The following MYH14 variants were observed in gnomAD, a reference collection of about 807,000 sequenced individuals.
MYH14 encodes myosin-14.
Under a neutral mutation model 255.5 loss-of-function variants are expected in MYH14, and 123 were observed. The ratio of observed to expected loss-of-function variants is 0.48; its 90% CI spans 0.42 to 0.56. The LOEUF is 0.56. Among genes scored for constraint, MYH14 ranks in the 20% least tolerant of loss-of-function variants. The pLI, the probability that MYH14 is intolerant of heterozygous loss-of-function variation, is 0.00. For missense variants in MYH14, 2,423 were observed against 2,802.3 expected (o/e 0.86, Z 3.06); for synonymous variants, 1,095 against 1,161.2 (o/e 0.94, Z 1.16).
chr19:50,272,666 G>A lies in MYH14; in HGVS notation c.3402G>A (p.Gln1134=). Reference sequence around the variant, plus strand: ...AGGAGCAGATGGTGGAGCAGCAACAGCGGGCAGAGGAGCTGCGGGCCCAGC... The same window carrying A: ...AGGAGCAGATGGTGGAGCAGCAACAACGGGCAGAGGAGCTGCGGGCCCAGC... ...ELQEQMVEQQ[Q]RAEELRAQLG... Residue 1134 remains glutamine, a synonymous_variant, in exon 27 of 43, where the codon CAG becomes CAA. Transcript: ENST00000642316. 17 of 1,557,832 alleles carry A rather than the reference G, an allele frequency of 1.1e-5. No individual in the cohort carries two copies. Among genetic ancestry groups the A allele is most frequent in the Non-Finnish European group, 1.5e-5 (17 of 1,151,474 alleles).
chr19:50,232,317 C>T (rs969187003), intron 10 of MYH14, among the ~76,000 whole-genome samples: 3 of 152,166 alleles, frequency 2.0e-5, no homozygotes, highest in Non-Finnish European at 4.4e-5. Flanking sequence ...TGCAGCTGGG[C>T]GCAGTGGCTC....
Position 50,276,943 on chromosome 19 carries a change from G to A in MYH14, c.3825+42G>A. The A allele has an allele frequency of 2.0e-6, 3 of 1,484,856 alleles. No homozygotes were observed. The highest frequency in any genetic ancestry group is 2.4e-5 in the South Asian group (2 of 83,626). The allele number at this position is 1,484,856 out of a possible 1,614,324, so 92.0% of individuals were successfully genotyped here. ...GGACAGGGCAGGGGGGCCACGGGGA[G>A]GGCAGGGCAGGACGCGGGGTTGGAG... On this transcript the variant is annotated intron_variant, in intron 29 of 42. Coordinates refer to ENST00000642316, the MANE Select transcript of MYH14 (RefSeq NM_001145809.2). This position sits in a 1 kb window ranked among gnomAD's most constrained non-coding sequence, Gnocchi z 4.3.
intron 1 of MYH14, among the ~76,000 whole-genome samples, chr19:50,208,348 G>C (rs990415338): frequency 6.6e-6 from 1 of 152,182 alleles, no homozygotes; most frequent in African/African-American, 2.4e-5. Flanking sequence ...CCGGGAGGCA[G>C]AGGTTGCAGT....
intron 39 of MYH14, among the ~76,000 whole-genome samples, chr19:50,299,288 G>C (rs1386258191): frequency 6.6e-6 from 1 of 152,078 alleles, no homozygotes; most frequent in African/African-American, 2.4e-5. Context: ...GTAAGAAATA[G>C]GCTGGGGGCA....
At chr19:50,297,491 CTTTTT>C (rs869049808) in intron 39 of MYH14, among the ~76,000 whole-genome samples, 3 of 74,324 alleles carry the variant, frequency 4.0e-5, no homozygotes, top group African/African-American at 5.0e-5. Context: ...CTCATCTCCT[CTTTTT>C]TTTTTTTTTT....
In MYH14 at chr19:50,278,297, G is replaced by C. The variant is rs373181143; in HGVS notation, c.4032+8G>C. ...AAGCTGCAGCGAGCCCAGGTAAGTGGGGTGGGCAGGGCAGAGGTTTCTGCT... is the reference window on the plus strand; with the variant it reads ...AAGCTGCAGCGAGCCCAGGTAAGTGCGGTGGGCAGGGCAGAGGTTTCTGCT... On this transcript the variant is annotated splice_region_variant and intron_variant, in intron 30 of 42. Coordinates refer to ENST00000642316, the MANE Select transcript of MYH14 (RefSeq NM_001145809.2). 2.9e-5 allele frequency: 44 copies of C among 1,530,330 alleles called. No individual in the cohort carries two copies. The highest frequency in any genetic ancestry group is 3.9e-5 in the Non-Finnish European group (44 of 1,134,574). The allele number at this position is 1,530,330 out of a possible 1,614,324, so 94.8% of individuals were successfully genotyped here. A position where few individuals can be genotyped will look rare whatever the true frequency, so the allele number is the denominator to read the frequency against.
At chr19:50,248,910 C>A in intron 12 of MYH14, 77 bp from the exon 13 acceptor site, 1 of 1,536,706 alleles carries the variant, frequency 6.5e-7, no homozygotes, top group East Asian at 2.3e-5. Context: ...GCTGGGGGCC[C>A]TTCCCCGGTT....
chr19:50,289,472 C>G lies in MYH14; in HGVS notation c.4789C>G (p.Gln1597Glu), dbSNP rs1189403494. 6.2e-7 allele frequency: 1 copy of G among 1,612,650 alleles called. No individual in the cohort carries two copies. The part of the protein sequence containing the change: ...ELERACRVAE[Q>E]AANDLRAQVT... ...GGAACGAGCCTGCCGGGTAGCAGAA[C>G]AGGCAGCCAATGATCTGCGAGCACA... The change falls in exon 35 of 43, where the codon CAG becomes GAG. Residue 1597 changes from glutamine (Q) to glutamate (E), a missense_variant. Transcript: ENST00000642316.
intron 39 of MYH14, among the ~76,000 whole-genome samples, chr19:50,295,014 T>G (rs868423715): frequency 0.071 from 2,061 of 29,102 alleles, 58 homozygotes; most frequent in African/African-American, 0.1. Context: ...AGTTTTTTTT[T>G]TTTTTTTTTT....
rs745369087 is a variant in MYH14 at position 50,292,304 on chromosome 19, C to T, written c.5171C>T (p.Thr1724Ile). 7 of 1,599,206 alleles carry T rather than the reference C, an allele frequency of 4.4e-6. No individual in the cohort carries two copies. Among genetic ancestry groups the T allele is most frequent in the African/African-American group, 4.0e-5 (3 of 74,634 alleles). Residue 1724 changes from threonine to isoleucine, a missense_variant, in exon 37 of 43, where the codon ACC becomes ATC. Thr to Ile is a moderately conservative substitution (Grantham distance 89). This residue lies in a region of MYH14 where 1,513 missense variants were observed against 1,674.8 expected (regional missense o/e 0.90). Coordinates refer to ENST00000642316, the MANE Select transcript of MYH14 (RefSeq NM_001145809.2). ...TGGCGGGAGGTGGAGGAGACACGCA[C>T]CTCCCGGGAGGAGATCTTCTCCCAG... ...ELWREVEETR[T>I]SREEIFSQNR... is the part of the protein sequence containing the mutation.
rs12983888 is a variant in MYH14, at chr19:50,225,698, G to A, written c.810+21G>A. The A allele has an allele frequency of 0.29, 458,973 of 1,588,080 alleles. 69,088 individuals are homozygous for A. Among genetic ancestry groups the A allele is most frequent in the East Asian group, 0.36 (16,305 of 44,688 alleles). On this transcript the variant is annotated intron_variant, in intron 7 of 42. Transcript: ENST00000642316. ...GATTCGTGAGTGCCAGGGGTGGGCA[G>A]TGCTGGCTGTGTCAGGGATACAGGA... is the stretch of plus-strand genomic sequence containing the variant.
In MYH14 at chr19:50,230,637, C is replaced by G. The variant is rs907285889; in HGVS notation, c.973+14C>G. 2.6e-6 allele frequency: 4 copies of G among 1,553,186 alleles called. No individual in the cohort carries two copies. The highest frequency in any genetic ancestry group is 2.0e-5 in the Admixed American group (1 of 51,234). On this transcript the variant is annotated intron_variant, in intron 9 of 42. Coordinates refer to ENST00000642316, the MANE Select transcript of MYH14 (RefSeq NM_001145809.2). This position sits in a 1 kb window ranked among gnomAD's most constrained non-coding sequence, Gnocchi z 4.7. ...AGCAGCTCAAAGGTCAGTGCCGCCC[C>G]GTCCTACCCTGCTCACCCGGGAGAG...
In MYH14 at chr19:50,293,740, G is replaced by T. The variant is rs115392676; in HGVS notation, c.5469+53G>T. The T allele has an allele frequency of 3.3e-6, 5 of 1,497,906 alleles. No individual in the cohort carries two copies. The highest frequency in any genetic ancestry group is 1.8e-6 in the Non-Finnish European group (2 of 1,119,844). 92.8% of individuals were successfully genotyped at this position (1,497,906 alleles called of 1,614,324 possible). ...CCTCAGTCCCCATTGACCTGGGACC[G>T]TAACCTTCAGTCCTCTTATTCAACA... On this transcript the variant is annotated intron_variant, in intron 39 of 42. Transcript: ENST00000642316. The surrounding 1 kb of genome is among the most constrained non-coding windows in gnomAD (Gnocchi z 4.1).
At chr19:50,249,535 G>T in intron 13 of MYH14, 115 bp from the exon 14 acceptor site, 1 of 1,127,164 alleles carries the variant, frequency 8.9e-7, no homozygotes, top group South Asian at 1.4e-5. Flanking sequence ...CCCTCTCTCT[G>T]GGTCTCTGTC....
At chr19:50,224,069 CTGAG>C in intron 5 of MYH14, 81 bp from the exon 6 acceptor site, 2 of 1,212,866 alleles carry the variant, frequency 1.6e-6, no homozygotes, top group Admixed American at 1.7e-5. Context: ...ATGCCACCAC[CTGAG>C]ATCACTGGTT....
chr19:50,210,836 C>T, intron 2 of MYH14, 66 bp downstream of exon 2: 1 of 1,523,940 alleles, frequency 6.6e-7, no homozygotes, highest in Non-Finnish European at 8.8e-7. Context: ...CCAGGTCCAC[C>T]ACCCGGCTCC....
chr19:50,214,817 G>A (rs2032385519), intron 2 of MYH14, among the ~76,000 whole-genome samples: 1 of 152,080 alleles, frequency 6.6e-6, no homozygotes. Context: ...GTTAGCCTAG[G>A]GCTCCCAGGT....
At chr19:50,209,133 G>A (rs1485911044) in intron 1 of MYH14, among the ~76,000 whole-genome samples, 1 of 152,172 alleles carries the variant, frequency 6.6e-6, no homozygotes, top group Non-Finnish European at 1.5e-5. Context: ...ACTCCAGCCT[G>A]AGCAACGGAG....
intron 26 of MYH14, 118 bp downstream of exon 26, chr19:50,272,090 C>A (rs2123391695): frequency 1.4e-6 from 2 of 1,379,390 alleles, no homozygotes; most frequent in Non-Finnish European, 2.0e-6. Flanking sequence ...GGAAGGAAGG[C>A]TCAGGGCAGA....
Sources: allele counts gnomAD v4.1 joint callset (sites outside exome capture counted in the v4.1 genomes callset), GRCh38; gene constraint gnomAD v4.1.1; regional missense constraint gnomAD v4.1.1; non-coding constraint Gnocchi (gnomAD v3.1); transcripts MANE v1.5; gene names NCBI Gene and HGNC (gene_info 2026-07-23, HGNC 2026-07-21).